The following TMEM135 variants were observed in gnomAD, a reference collection of about 807,000 sequenced individuals.
The protein encoded by TMEM135 is transmembrane protein 135.
In TMEM135, 30 loss-of-function variants were observed where a neutral mutation model predicts 60.3. That is an observed-to-expected ratio of 0.50 (90% CI 0.37 to 0.68). The LOEUF is 0.68. TMEM135 is among the 30% of genes least tolerant of loss of function. The pLI is 0.00. For synonymous variants in TMEM135, 190 were observed against 186.7 expected (o/e 1.02, Z -0.14); for missense variants, 468 against 548.8 (o/e 0.85, Z 1.47).
chr11:87,143,809 T>G (rs184869304), intron 4 of TMEM135, among the ~76,000 whole-genome samples: 46 of 152,306 alleles, frequency 3.0e-4, no homozygotes, highest in Non-Finnish European at 7.4e-5. Context: ...TTTTGAACTT[T>G]GACATGTAAC....
chr11:87,091,437 A>G lies in TMEM135; in HGVS notation c.396+42A>G, dbSNP rs146603152. ...AACCTTTGATGTCTTCCCATAAGCT[A>G]TATCTTTTTAAAATCAAGTTTTCTT... is the stretch of plus-strand genomic sequence containing the variant. On this transcript the variant is annotated intron_variant, in intron 4 of 14. Transcript: ENST00000305494. 182 of 1,590,902 alleles carry G rather than the reference A, an allele frequency of 1.1e-4. No homozygotes were observed. In the East Asian group the frequency reaches 4.0e-3, roughly 35 times the overall value.
intron 4 of TMEM135, among the ~76,000 whole-genome samples, chr11:87,117,348 A>T (rs184510748): frequency 2.0e-4 from 30 of 152,280 alleles, no homozygotes; most frequent in African/African-American, 6.5e-4. Flanking sequence ...TCTTTCTTTC[A>T]TGAAAGATCT....
intron 6 of TMEM135, among the ~76,000 whole-genome samples, chr11:87,262,341 C>T (rs1463889235): frequency 6.6e-6 from 1 of 152,134 alleles, no homozygotes; most frequent in African/African-American, 2.4e-5. Context: ...CCAAAAAAGG[C>T]AGTATCCATG....
intron 5 of TMEM135, among the ~76,000 whole-genome samples, chr11:87,173,878 C>T (rs1019676858): frequency 6.6e-6 from 1 of 152,060 alleles, no homozygotes; most frequent in Non-Finnish European, 1.5e-5. Flanking sequence ...GTTGCCAGTG[C>T]GCTCTGCTGT....
rs749450876 is a variant in TMEM135, at chr11:87,038,017, C to T, written c.-29C>T. The T allele has an allele frequency of 1.5e-5, 25 of 1,613,146 alleles. No homozygotes were observed. The highest frequency in any genetic ancestry group is 1.5e-4 in the Admixed American group (9 of 60,016). ...TCCCTGCAGGGCTCAGGCTCTCCCC[C>T]TCCTGTCTTCTCCGCGCTGTTCCTC... On this transcript the variant is annotated 5_prime_UTR_variant, in exon 1 of 15. Transcript: ENST00000305494.
Position 87,169,837 on chromosome 11 carries a change from A to T in TMEM135, c.462+12431A>T, listed in dbSNP as rs541168358. Among the ~76,000 whole-genome samples, 4 of 152,146 alleles carry T rather than the reference A, an allele frequency of 2.6e-5. No homozygotes were observed. In the East Asian group the frequency reaches 5.8e-4, roughly 22 times the overall value. On this transcript the variant is annotated intron_variant, in intron 5 of 14. Coordinates refer to ENST00000305494, the MANE Select transcript of TMEM135 (RefSeq NM_022918.4). ...GTGTTCTCTGTATTGCTTGAATTTGAATGTTGGCCTGTCTTGCTAAGTTGG... is the reference window on the plus strand; with the variant it reads ...GTGTTCTCTGTATTGCTTGAATTTGTATGTTGGCCTGTCTTGCTAAGTTGG...
At chr11:87,301,035 C>T (rs1942438106) in intron 7 of TMEM135, among the ~76,000 whole-genome samples, 1 of 152,124 alleles carries the variant, frequency 6.6e-6, no homozygotes, top group Non-Finnish European at 1.5e-5. Flanking sequence ...TCTATGTACA[C>T]CCGTAAGTAA....
At chr11:87,276,151 G>A (rs10898651) in intron 6 of TMEM135, among the ~76,000 whole-genome samples, 15 of 151,864 alleles carry the variant, frequency 9.9e-5, no homozygotes, top group Admixed American at 8.5e-4. Context: ...GGACACTAAC[G>A]CACATAAATC....
intron 9 of TMEM135, among the ~76,000 whole-genome samples, chr11:87,309,243 T>C (rs1942601482): frequency 6.6e-6 from 1 of 152,184 alleles, no homozygotes; most frequent in Non-Finnish European, 1.5e-5. Flanking sequence ...TTTTGGTGCA[T>C]AGGCAAGCTT....
At chr11:87,236,151 C>T (rs573668617) in intron 5 of TMEM135, among the ~76,000 whole-genome samples, 1 of 151,436 alleles carries the variant, frequency 6.6e-6, no homozygotes, top group South Asian at 2.1e-4. Flanking sequence ...TTTTGTGAAC[C>T]CTGTTACCCT....
chr11:87,202,572 C>T (rs1207665295), intron 5 of TMEM135, among the ~76,000 whole-genome samples: 1 of 152,090 alleles, frequency 6.6e-6, no homozygotes, highest in Admixed American at 6.5e-5. Flanking sequence ...TTTTTATTAA[C>T]CTGTGCAACT....
At position 87,212,393 on chromosome 11, in the gene TMEM135, A is replaced by C. The variant is rs1940391205; in HGVS notation, c.463-24245A>C. Among the ~76,000 whole-genome samples the C allele has an allele frequency of 2.0e-5, 3 of 152,338 alleles. No homozygotes were observed. In the South Asian group the frequency reaches 6.2e-4, roughly 32 times the overall value. The stretch of plus-strand genomic sequence containing the variant: ...TCAAAATAAAACTTGGATGAAATAC[A>C]GTTGAATATATTAATAATTTTAAAG... On this transcript the variant is annotated intron_variant, in intron 5 of 14. Coordinates refer to ENST00000305494, the MANE Select transcript of TMEM135 (RefSeq NM_022918.4).
intron 6 of TMEM135, among the ~76,000 whole-genome samples, chr11:87,267,358 T>G (rs2135406943): frequency 6.6e-6 from 1 of 152,302 alleles, no homozygotes; most frequent in Non-Finnish European, 1.5e-5. Flanking sequence ...GGAAGTCACT[T>G]TCTAATTTCC....
In TMEM135 at chr11:87,327,962, T is replaced by C. The variant is rs1942938670; in HGVS notation, c.*6629T>C. On this transcript the variant is annotated 3_prime_UTR_variant, in exon 15 of 15. Transcript: ENST00000305494. ...TGCCTGCCCATATTGAGGGCAGATCTTCTCTGCCTAGTCCACGCTAACTCA... is the reference window on the plus strand; with the variant it reads ...TGCCTGCCCATATTGAGGGCAGATCCTCTCTGCCTAGTCCACGCTAACTCA... 1 of 454,058 alleles carries C rather than the reference T, an allele frequency of 2.2e-6. No homozygotes were observed. Among genetic ancestry groups the C allele is most frequent in the African/African-American group, 2.0e-5 (1 of 50,100 alleles). The allele number at this position is 454,058 out of a possible 1,614,324, so 28.1% of individuals were successfully genotyped here.
chr11:87,055,610 G>A (rs1466931493), intron 1 of TMEM135, among the ~76,000 whole-genome samples: 1 of 148,938 alleles, frequency 6.7e-6, no homozygotes, highest in Middle Eastern at 3.4e-3. Context: ...TTTTTTTTGA[G>A]ATGGAGTTTC....
At chr11:87,094,382 T>G (rs754145427) in intron 4 of TMEM135, among the ~76,000 whole-genome samples, 3 of 152,234 alleles carry the variant, frequency 2.0e-5, no homozygotes, top group Non-Finnish European at 4.4e-5. Context: ...GTTTGATATA[T>G]TTCTCATTTT....
intron 1 of TMEM135, among the ~76,000 whole-genome samples, chr11:87,054,502 A>G (rs780532711): frequency 1.3e-5 from 2 of 152,222 alleles, no homozygotes; most frequent in Non-Finnish European, 2.9e-5. Context: ...ATGTGAAAGA[A>G]AAGTATTAAG....
At chr11:87,065,373 A>G (rs1856629154) in intron 1 of TMEM135, among the ~76,000 whole-genome samples, 1 of 152,118 alleles carries the variant, frequency 6.6e-6, no homozygotes, top group Non-Finnish European at 1.5e-5. Flanking sequence ...ACTGTTTTTT[A>G]TTTTAGCCAT....
intron 6 of TMEM135, among the ~76,000 whole-genome samples, chr11:87,267,754 ATGGT>A (rs1941778791): frequency 6.6e-6 from 1 of 151,934 alleles, no homozygotes; most frequent in Non-Finnish European, 1.5e-5. Flanking sequence ...GTGCAGTGGC[ATGGT>A]CTCCACTCAC....
Sources: gnomAD v4.1 joint callset for allele counts (sites outside exome capture counted in the v4.1 genomes callset) on GRCh38, gnomAD v4.1.1 for gene constraint, MANE v1.5 for transcripts, NCBI Gene and HGNC (gene_info 2026-07-23, HGNC 2026-07-21) for gene names.